The following ZNF138 variants were observed in gnomAD, a reference collection of about 807,000 sequenced individuals.
ZNF138 encodes zinc finger protein 138 (clone pHZ-32).
A neutral mutation model predicts 33.0 loss-of-function variants in ZNF138; 33 were observed. That is an observed-to-expected ratio of 1.00 (90% confidence interval 0.76 to 1.34). The LOEUF is 1.34. Among genes scored for constraint, ZNF138 ranks in the 40% most tolerant of loss-of-function variants. The pLI, the probability that ZNF138 is intolerant of heterozygous loss-of-function variation, is 0.00. For synonymous variants in ZNF138, 139 were observed against 120.4 expected (o/e 1.15, Z -1.01); for missense variants, 360 against 370.8 (o/e 0.97, Z 0.24).
chr7:64,816,904 G>A (rs985640770), intron 3 of ZNF138, among the ~76,000 whole-genome samples: 5 of 152,196 alleles, frequency 3.3e-5, no homozygotes, highest in African/African-American at 1.2e-4. Flanking sequence ...AGGCTGCTGG[G>A]CCTGCACTAG....
chr7:64,796,167 G>T (rs572273022), intron 1 of ZNF138, among the ~76,000 whole-genome samples: 29 of 152,346 alleles, frequency 1.9e-4, no homozygotes, highest in Admixed American at 5.9e-4. Context: ...TCTAAGATTT[G>T]TGAAAGAAAT....
At chr7:64,820,166 TAATACC>T (rs1248228535) in intron 3 of ZNF138, among the ~76,000 whole-genome samples, 1 of 151,884 alleles carries the variant, frequency 6.6e-6, no homozygotes, top group East Asian at 1.9e-4. Context: ...AACTAAAATT[TAATACC>T]AATTAAGTAA....
downstream of ZNF138, among the ~76,000 whole-genome samples, chr7:64,834,905 T>C (rs182486716): frequency 7.2e-5 from 11 of 152,150 alleles, no homozygotes; most frequent in Non-Finnish European, 1.5e-4. Flanking sequence ...TGAAAGGCAA[T>C]GGAAGGGCAC....
chr7:64,847,335 T>TA, the ZNF138 span, among the ~76,000 whole-genome samples: 6 of 113,692 alleles, frequency 5.3e-5, no homozygotes, highest in African/African-American at 2.1e-4. Flanking sequence ...TATATATATT[T>TA]TTTTTTTTTT....
chr7:64,802,800 T>C (rs549843685), intron 1 of ZNF138, among the ~76,000 whole-genome samples: 2 of 152,266 alleles, frequency 1.3e-5, no homozygotes, highest in Admixed American at 1.3e-4. Context: ...TACCCTAAGG[T>C]GTTTCTGTTA....
At chr7:64,802,037 C>G (rs371222325) in intron 1 of ZNF138, among the ~76,000 whole-genome samples, 1 of 152,118 alleles carries the variant, frequency 6.6e-6, no homozygotes. Flanking sequence ...TGTGATCAGG[C>G]CAAGGTGGTC....
chr7:64,819,665 G>A (rs769035158), intron 3 of ZNF138, among the ~76,000 whole-genome samples: 6 of 151,878 alleles, frequency 4.0e-5, no homozygotes, highest in South Asian at 2.1e-4. Context: ...CACCACATCC[G>A]GCCTGAGGGT....
At chr7:64,810,193 C>T (rs1170857398) in intron 1 of ZNF138, among the ~76,000 whole-genome samples, 3 of 146,240 alleles carry the variant, frequency 2.1e-5, no homozygotes, top group South Asian at 2.3e-4. Flanking sequence ...AACGAGACTC[C>T]GTCTGCAATC....
chr7:64,799,043 T>TTC (rs959121819), intron 1 of ZNF138, among the ~76,000 whole-genome samples: 59 of 152,262 alleles, frequency 3.9e-4, no homozygotes, highest in African/African-American at 1.4e-3. Flanking sequence ...CTTTGTTGGT[T>TTC]TCATATGAAT....
intron 1 of ZNF138, among the ~76,000 whole-genome samples, chr7:64,796,836 A>G (rs1786726747): frequency 6.6e-6 from 1 of 152,220 alleles, no homozygotes; most frequent in Non-Finnish European, 1.5e-5. Context: ...TGAGGTCAGG[A>G]GTTCTAGACC....
At chr7:64,796,156 C>A (rs1786672505) in intron 1 of ZNF138, among the ~76,000 whole-genome samples, 1 of 152,216 alleles carries the variant, frequency 6.6e-6, no homozygotes, top group Admixed American at 6.5e-5. Flanking sequence ...CCACTGGATT[C>A]TCTAAGATTT....
At chr7:64,809,749 C>T (rs1787974229) in intron 1 of ZNF138, among the ~76,000 whole-genome samples, 1 of 145,128 alleles carries the variant, frequency 6.9e-6, no homozygotes, top group Admixed American at 6.8e-5. Flanking sequence ...GACGGGGCGG[C>T]CGGGCAGAGA....
the ZNF138 span, among the ~76,000 whole-genome samples, chr7:64,839,341 A>G: frequency 6.6e-6 from 1 of 152,014 alleles, no homozygotes; most frequent in Non-Finnish European, 1.5e-5. Flanking sequence ...GACTGGGTGG[A>G]CCCCATCCTC....
intron 1 of ZNF138, among the ~76,000 whole-genome samples, chr7:64,809,721 G>A (rs1787970822): frequency 6.8e-6 from 1 of 147,568 alleles, no homozygotes; most frequent in African/African-American, 2.5e-5. Context: ...GCCGGGCAGA[G>A]GGTCTCCTCA....
intron 1 of ZNF138, among the ~76,000 whole-genome samples, chr7:64,803,258 GT>G (rs60101981): frequency 0.04 from 4,575 of 113,068 alleles, 153 homozygotes; most frequent in African/African-American, 0.13. Context: ...TTTGGCAAAG[GT>G]TTTTTTTTTT....
chr7:64,828,993 C>T (rs543220364), intron 3 of ZNF138, among the ~76,000 whole-genome samples: 19 of 152,064 alleles, frequency 1.2e-4, no homozygotes, highest in African/African-American at 4.1e-4. Context: ...GTGTTGTTTA[C>T]TATCTATATA....
At chr7:64,809,676 G>T (rs1176017407) in intron 1 of ZNF138, among the ~76,000 whole-genome samples, 3 of 149,626 alleles carry the variant, frequency 2.0e-5, no homozygotes, top group Non-Finnish European at 4.5e-5. Context: ...CTGCTGCCGG[G>T]CGGAGGGGCT....
chr7:64,794,861 C>T (rs1786560813), intron 1 of ZNF138, among the ~76,000 whole-genome samples: 1 of 152,118 alleles, frequency 6.6e-6, no homozygotes, highest in African/African-American at 2.4e-5. Flanking sequence ...ACGGGAGGGT[C>T]GTCAGGGGAG....
downstream of ZNF138, among the ~76,000 whole-genome samples, chr7:64,837,906 A>G (rs1790408446): frequency 6.6e-6 from 1 of 152,158 alleles, no homozygotes; most frequent in Admixed American, 6.5e-5. Flanking sequence ...AATAAAGGGA[A>G]GGATGGTAGA....
Sources: gnomAD v4.1 joint callset for allele counts (sites outside exome capture counted in the v4.1 genomes callset) on GRCh38, gnomAD v4.1.1 for gene constraint, MANE v1.5 for transcripts, NCBI Gene and HGNC (gene_info 2026-07-23, HGNC 2026-07-21) for gene names.